PPP2R2B: variants seen among roughly 807,000 people sequenced by gnomAD.
The protein encoded by PPP2R2B is protein phosphatase 2 regulatory subunit Bbeta.
Under a neutral mutation model 46.0 loss-of-function variants are expected in PPP2R2B, and 5 were observed. That is an observed-to-expected ratio of 0.11 (90% confidence interval 0.06 to 0.23). The LOEUF is 0.23. Ranked by LOEUF, PPP2R2B falls within the 10% of genes least tolerant of loss-of-function variation. The probability of loss-of-function intolerance (pLI) is 1.00; values close to 1 mark genes in which losing one functional copy is unlikely to be tolerated. For synonymous variants in PPP2R2B, 215 were observed against 206.7 expected (o/e 1.04, Z -0.34); for missense variants, 367 against 575.0 (o/e 0.64, Z 3.70).
chr5:147,014,289 G>T (rs1478578001), intron 1 of PPP2R2B, among the ~76,000 whole-genome samples: 1 of 148,278 alleles, frequency 6.7e-6, no homozygotes, highest in Non-Finnish European at 1.5e-5. Flanking sequence ...CTGTTGGTGG[G>T]ACTGTAAACT....
chr5:146,734,475 CTG>C (rs1396737833), intron 2 of PPP2R2B, among the ~76,000 whole-genome samples: 1 of 152,194 alleles, frequency 6.6e-6, no homozygotes, highest in Non-Finnish European at 1.5e-5. Flanking sequence ...GAGGCACAGA[CTG>C]GTTACTTATG....
chr5:146,969,485 G>A (rs1752570587), intron 1 of PPP2R2B, among the ~76,000 whole-genome samples: 1 of 152,212 alleles, frequency 6.6e-6, no homozygotes, highest in Non-Finnish European at 1.5e-5. Context: ...CTTACTGACA[G>A]TTTATATAAG....
intron 2 of PPP2R2B, among the ~76,000 whole-genome samples, chr5:146,767,914 T>C (rs1754589249): frequency 6.6e-6 from 1 of 152,172 alleles, no homozygotes; most frequent in Non-Finnish European, 1.5e-5. Flanking sequence ...CCCCAAACCC[T>C]GGCAACTGCT....
chr5:147,055,947 A>C lies in PPP2R2B; in HGVS notation c.-204T>G. On this transcript the variant is annotated 5_prime_UTR_variant, in exon 1 of 9. Coordinates refer to the PPP2R2B transcript ENST00000336640. ...AGGAAGCACTGCCTTACATTTCTGC[A>C]TGCAGCTCAAACTCAGAAGCCCCCA... 3 of 1,401,864 alleles carry C rather than the reference A, an allele frequency of 2.1e-6. No individual in the cohort carries two copies. In the East Asian group the frequency reaches 7.9e-5, roughly 37 times the overall value. 86.8% of individuals were successfully genotyped at this position (1,401,864 alleles called of 1,614,324 possible).
chr5:146,993,979 A>G (rs1296475143), intron 1 of PPP2R2B, among the ~76,000 whole-genome samples: 1 of 152,196 alleles, frequency 6.6e-6, no homozygotes, highest in Non-Finnish European at 1.5e-5. Context: ...TCTTCTCATT[A>G]AAACCACTGT....
chr5:146,723,372 C>A (rs978351742), intron 2 of PPP2R2B, among the ~76,000 whole-genome samples: 2 of 152,120 alleles, frequency 1.3e-5, no homozygotes, highest in Admixed American at 6.5e-5. Flanking sequence ...GAAATCACTT[C>A]CCTTTGAACA....
At chr5:146,855,624 G>A (rs1243575170) in intron 2 of PPP2R2B, among the ~76,000 whole-genome samples, 2 of 152,040 alleles carry the variant, frequency 1.3e-5, no homozygotes, top group Non-Finnish European at 2.9e-5. Flanking sequence ...ATTAAAGGGA[G>A]CTCTTCTCTT....
chr5:146,909,698 C>T (rs558371398), intron 1 of PPP2R2B, among the ~76,000 whole-genome samples: 1 of 152,352 alleles, frequency 6.6e-6, no homozygotes, highest in East Asian at 1.9e-4. Flanking sequence ...CTCTGTGTCA[C>T]ATCCTGTGAC....
At chr5:146,749,456 A>T (rs762200326) in intron 2 of PPP2R2B, among the ~76,000 whole-genome samples, 1 of 152,088 alleles carries the variant, frequency 6.6e-6, no homozygotes, top group African/African-American at 2.4e-5. Context: ...CCTAGATCAC[A>T]GTGCATGTAG....
intron 1 of PPP2R2B, among the ~76,000 whole-genome samples, chr5:146,947,986 A>G (rs750057383): frequency 1.3e-5 from 2 of 151,828 alleles, no homozygotes; most frequent in Non-Finnish European, 2.9e-5. Flanking sequence ...GCATGCACTC[A>G]TGAGACCACA....
At chr5:146,774,454 C>T (rs1467982175) in intron 2 of PPP2R2B, among the ~76,000 whole-genome samples, 2 of 150,604 alleles carry the variant, frequency 1.3e-5, no homozygotes, top group Admixed American at 1.3e-4. Flanking sequence ...ATGAGAGAGA[C>T]AAAAATAAAG....
chr5:146,988,529 A>G (rs904010894), intron 1 of PPP2R2B, among the ~76,000 whole-genome samples: 2 of 152,058 alleles, frequency 1.3e-5, no homozygotes, highest in African/African-American at 4.8e-5. Flanking sequence ...TGGGTCAATG[A>G]AGAAAGTAAG....
At chr5:146,824,825 C>T (rs1323175568) in intron 2 of PPP2R2B, among the ~76,000 whole-genome samples, 1 of 149,610 alleles carries the variant, frequency 6.7e-6, no homozygotes, top group African/African-American at 2.5e-5. Context: ...TCAAATGATT[C>T]TTCCACCTCA....
chr5:146,696,040 A>C lies in PPP2R2B; in HGVS notation c.334+1939T>G, dbSNP rs10069686. ...TAACAGAATATTATGCTATATAATTAATCTTCATTGCATTTCACTGATTTT... is the reference window on the plus strand; with the variant it reads ...TAACAGAATATTATGCTATATAATTCATCTTCATTGCATTTCACTGATTTT... On this transcript the variant is annotated intron_variant, in intron 4 of 9. Transcript: ENST00000394411. 8.8e-3 allele frequency among the ~76,000 whole-genome samples: 1,346 copies of C among 152,286 alleles called. 23 individuals carry two copies. The highest frequency in any genetic ancestry group is 0.031 in the African/African-American group (1,288 of 41,560).
intron 2 of PPP2R2B, among the ~76,000 whole-genome samples, chr5:146,845,305 C>CTTTTTTG (rs1759919893): frequency 1.3e-5 from 1 of 74,074 alleles, no homozygotes; most frequent in Admixed American, 1.4e-4. Context: ...TTTTCCTTTT[C>CTTTTTTG]TTTTTTTTGT....
intron 2 of PPP2R2B, among the ~76,000 whole-genome samples, chr5:146,807,775 T>TC (rs1757268808): frequency 1.2e-4 from 15 of 124,152 alleles, no homozygotes; most frequent in African/African-American, 4.6e-4. Flanking sequence ...TGGGGTGCCT[T>TC]CTTTTTTTTT....
chr5:146,962,018 G>A (rs1752192864), intron 1 of PPP2R2B, among the ~76,000 whole-genome samples: 1 of 150,230 alleles, frequency 6.7e-6, no homozygotes, highest in Non-Finnish European at 1.5e-5. Flanking sequence ...TAGCTAGTCT[G>A]GGATTAATTT....
intron 2 of PPP2R2B, among the ~76,000 whole-genome samples, chr5:146,821,083 A>G (rs909762467): frequency 6.6e-6 from 1 of 152,076 alleles, no homozygotes; most frequent in African/African-American, 2.4e-5. Context: ...CAGGTCACTC[A>G]CCACACATCA....
intron 2 of PPP2R2B, among the ~76,000 whole-genome samples, chr5:146,791,414 T>G (rs1756196444): frequency 6.6e-6 from 1 of 152,114 alleles, no homozygotes; most frequent in Admixed American, 6.5e-5. Context: ...GTGTGTGGTG[T>G]GTGCACGTGT....
Sources: allele counts gnomAD v4.1 joint callset (sites outside exome capture counted in the v4.1 genomes callset), GRCh38; gene constraint gnomAD v4.1.1; transcripts MANE v1.5; gene names NCBI Gene and HGNC (gene_info 2026-07-23, HGNC 2026-07-21).